CACNA2D3: variants seen among roughly 807,000 people sequenced by gnomAD.
CACNA2D3 encodes the protein voltage-dependent calcium channel subunit alpha-2/delta-3.
Under a neutral mutation model 160.6 loss-of-function variants are expected in CACNA2D3, and 60 were observed. The observed-to-expected ratio is 0.37, with a 90% CI of 0.30 to 0.46. CACNA2D3 has a LOEUF of 0.46. Among genes scored for constraint, CACNA2D3 ranks in the 20% least tolerant of loss-of-function variants. CACNA2D3 has a pLI of 1.00. For synonymous variants in CACNA2D3, 558 were observed against 492.9 expected (o/e 1.13, Z -1.75); for missense variants, 1,205 against 1,365.0 (o/e 0.88, Z 1.85).
intron 29 of CACNA2D3, among the ~76,000 whole-genome samples, chr3:54,978,964 T>C (rs569336620): frequency 6.6e-6 from 1 of 152,402 alleles, no homozygotes; most frequent in African/African-American, 2.4e-5. Flanking sequence ...TGCTTTATTA[T>C]ACTTGGCCTG....
intron 2 of CACNA2D3, among the ~76,000 whole-genome samples, chr3:54,262,351 C>T (rs918185738): frequency 6.6e-6 from 1 of 152,036 alleles, no homozygotes; most frequent in African/African-American, 2.4e-5. Context: ...GAGAGTTCCC[C>T]GAAGTGGGGA....
chr3:54,948,530 A>T (rs868762494), intron 27 of CACNA2D3, among the ~76,000 whole-genome samples: 2 of 151,290 alleles, frequency 1.3e-5, no homozygotes, highest in Non-Finnish European at 2.9e-5. Context: ...TTTCACCATG[A>T]GCACCTCTGC....
intron 3 of CACNA2D3, among the ~76,000 whole-genome samples, chr3:54,380,801 T>C (rs1333472876): frequency 2.0e-5 from 3 of 152,186 alleles, no homozygotes; most frequent in African/African-American, 7.2e-5. Context: ...CTGGGTATGG[T>C]TGTGATAGTA....
chr3:54,252,853 G>A (rs937717515), intron 2 of CACNA2D3, among the ~76,000 whole-genome samples: 9 of 150,022 alleles, frequency 6.0e-5, no homozygotes, highest in African/African-American at 2.2e-4. Flanking sequence ...GTAGCAGAAA[G>A]AGAAGTGCAG....
intron 3 of CACNA2D3, among the ~76,000 whole-genome samples, chr3:54,331,987 G>A (rs973576033): frequency 6.6e-6 from 1 of 152,204 alleles, no homozygotes; most frequent in South Asian, 2.1e-4. Flanking sequence ...GACTGAGACA[G>A]TATTGGTCAC....
At chr3:54,452,973 C>T (rs566364239) in intron 4 of CACNA2D3, among the ~76,000 whole-genome samples, 1 of 151,852 alleles carries the variant, frequency 6.6e-6, no homozygotes, top group East Asian at 1.9e-4. Flanking sequence ...TTCTTTCCCT[C>T]TCTTTTTCTT....
intron 35 of CACNA2D3, among the ~76,000 whole-genome samples, chr3:55,040,139 C>A (rs1703925504): frequency 6.6e-6 from 1 of 152,026 alleles, no homozygotes; most frequent in Non-Finnish European, 1.5e-5. Context: ...ATAGATGGAG[C>A]AGGTTCGTCT....
chr3:54,608,479 T>C (rs1698682286), intron 9 of CACNA2D3, among the ~76,000 whole-genome samples: 1 of 152,208 alleles, frequency 6.6e-6, no homozygotes, highest in African/African-American at 2.4e-5. Context: ...GAGGAAGAGA[T>C]GTTACGAAAA....
intron 5 of CACNA2D3, among the ~76,000 whole-genome samples, chr3:54,541,152 C>T (rs1279734663): frequency 6.6e-6 from 1 of 151,576 alleles, no homozygotes; most frequent in African/African-American, 2.4e-5. Flanking sequence ...TGGCGGGCGC[C>T]TGTAGTCCCA....
At chr3:54,574,546 A>C (rs1451679732) in intron 8 of CACNA2D3, among the ~76,000 whole-genome samples, 1 of 152,234 alleles carries the variant, frequency 6.6e-6, no homozygotes, top group East Asian at 1.9e-4. Flanking sequence ...ATTATGAAAG[A>C]ATAGTTGAAA....
chr3:54,964,581 A>T (rs1702100538), intron 27 of CACNA2D3, among the ~76,000 whole-genome samples: 1 of 152,158 alleles, frequency 6.6e-6, no homozygotes, highest in Non-Finnish European at 1.5e-5. Context: ...GGTTCCATTT[A>T]GGTTATGTGG....
intron 5 of CACNA2D3, among the ~76,000 whole-genome samples, chr3:54,518,272 G>C (rs565011318): frequency 6.6e-6 from 1 of 152,106 alleles, no homozygotes; most frequent in African/African-American, 2.4e-5. Context: ...TGAGAGTTCC[G>C]TAAGGCCTGA....
chr3:54,137,076 G>T (rs1025674246), intron 2 of CACNA2D3, among the ~76,000 whole-genome samples: 1 of 152,076 alleles, frequency 6.6e-6, no homozygotes, highest in African/African-American at 2.4e-5. Flanking sequence ...TTACAAATCC[G>T]TGTGCGTGGA....
intron 27 of CACNA2D3, among the ~76,000 whole-genome samples, chr3:54,948,409 G>C (rs956928257): frequency 6.6e-6 from 1 of 152,118 alleles, no homozygotes; most frequent in South Asian, 2.1e-4. Flanking sequence ...GCCCTTCATG[G>C]GCATATATGT....
At chr3:54,152,633 G>A (rs13321848) in intron 2 of CACNA2D3, among the ~76,000 whole-genome samples, 1,629 of 152,326 alleles carry the variant, frequency 0.011, 27 homozygotes, top group African/African-American at 0.038. Context: ...AGAGGCAAAG[G>A]CAAAATGAAA....
At chr3:54,162,465 G>T (rs199843357) in intron 2 of CACNA2D3, among the ~76,000 whole-genome samples, 3 of 152,038 alleles carry the variant, frequency 2.0e-5, no homozygotes, top group Non-Finnish European at 4.4e-5. Context: ...AGGATGGTTT[G>T]GGCTTCCTCA....
At position 55,038,263 on chromosome 3, in the gene CACNA2D3, A is replaced by G. The variant is rs115697391; in HGVS notation, c.2987+19946A>G. On this transcript the variant is annotated intron_variant, in intron 35 of 37. Coordinates refer to ENST00000474759, the MANE Select transcript of CACNA2D3 (RefSeq NM_018398.3). ...AAACCTTTTATTTTCTCCTCCTTAGATTATTAAGGTGAACATAGCAGTTAG... is the reference window on the plus strand; with the variant it reads ...AAACCTTTTATTTTCTCCTCCTTAGGTTATTAAGGTGAACATAGCAGTTAG... Among the ~76,000 whole-genome samples, 712 of 152,302 alleles carry G rather than the reference A, an allele frequency of 4.7e-3. 6 individuals are homozygous for G. Among genetic ancestry groups the G allele is most frequent in the African/African-American group, 0.015 (638 of 41,570 alleles).
chr3:54,572,848 T>C (rs1380466618), intron 8 of CACNA2D3, among the ~76,000 whole-genome samples: 1 of 152,198 alleles, frequency 6.6e-6, no homozygotes, highest in Non-Finnish European at 1.5e-5. Context: ...TATCAGAAAT[T>C]CACGTAATAA....
rs1559563618 is a variant in CACNA2D3, at chr3:54,736,057, GTATGTATA to G, written c.1168-16538_1168-16531del. Among the ~76,000 whole-genome samples the G allele has an allele frequency of 3.6e-3, 152 of 42,800 alleles. 15 individuals are homozygous for G. The highest frequency in any genetic ancestry group is 0.012 in the Admixed American group (41 of 3,474). The allele number at this position is 42,800 out of a possible 152,430, so 28.1% of individuals were successfully genotyped here. On this transcript the variant is annotated intron_variant, in intron 11 of 37. Coordinates refer to ENST00000474759, the MANE Select transcript of CACNA2D3 (RefSeq NM_018398.3). ...TATGTATATATATACACATACATAT[GTATGTATA>G]TATATATACATATATATGTATGTGT... is the stretch of plus-strand genomic sequence containing the variant.
Sources: gnomAD v4.1 joint callset for allele counts (sites outside exome capture counted in the v4.1 genomes callset) on GRCh38, gnomAD v4.1.1 for gene constraint, MANE v1.5 for transcripts, NCBI Gene and HGNC (gene_info 2026-07-23, HGNC 2026-07-21) for gene names.